Variants in LMNB1 observed in about 807,000 individuals in gnomAD.
LMNB1 encodes the protein lamin-B1.
Under a neutral mutation model 67.1 loss-of-function variants are expected in LMNB1, and 23 were observed. The ratio of observed to expected loss-of-function variants is 0.34; its 90% CI spans 0.25 to 0.49. LMNB1 has a LOEUF of 0.49. Among genes scored for constraint, LMNB1 ranks in the 20% least tolerant of loss-of-function variants. The pLI is 0.99. For missense variants in LMNB1, 634 were observed against 746.5 expected, an observed-to-expected ratio of 0.85 and a Z score of 1.76; for synonymous variants, 281 against 282.9, an observed-to-expected ratio of 0.99 and a Z score of 0.07.
Position 126,777,663 on chromosome 5 carries a change from G to A in LMNB1, c.155G>A (p.Ser52Asn). The change falls in exon 1 of 11, where the codon AGC becomes AAC. Residue 52 changes from serine to asparagine, a missense_variant. Physicochemically the swap from Ser to Asn is conservative, Grantham distance 46 (BLOSUM62 1). Coordinates refer to ENST00000261366, the MANE Select transcript of LMNB1 (RefSeq NM_005573.4). ...GCGGTGTACATCGACAAGGTGCGCA[G>A]CCTGGAGACGGAGAACAGCGCGCTG... is the stretch of plus-strand genomic sequence containing the variant. ...RLAVYIDKVR[S>N]LETENSALQL... The A allele has an allele frequency of 6.5e-7, 1 of 1,545,120 alleles. No individual in the cohort carries two copies. The highest frequency in any genetic ancestry group is 1.2e-5 in the South Asian group (1 of 83,476).
chr5:126,790,890 G>A (rs1379351478), intron 1 of LMNB1, among the ~76,000 whole-genome samples: 1 of 151,918 alleles, frequency 6.6e-6, no homozygotes, highest in Non-Finnish European at 1.5e-5. Flanking sequence ...GTGTGGTGGT[G>A]GGTGCCTGTA....
chr5:126,819,650 C>G (rs1470866887), intron 6 of LMNB1, among the ~76,000 whole-genome samples: 1 of 151,664 alleles, frequency 6.6e-6, no homozygotes, highest in Non-Finnish European at 1.5e-5. Flanking sequence ...GTCACCACAC[C>G]CGGCTAATTT....
chr5:126,814,584 G>A (rs1230505024), intron 5 of LMNB1, among the ~76,000 whole-genome samples: 2 of 150,752 alleles, frequency 1.3e-5, no homozygotes, highest in Admixed American at 6.6e-5. Context: ...TGTTGCCCAA[G>A]CTGGAGTGCA....
rs573018876 is a variant in LMNB1, at chr5:126,786,263, C to T, written c.359+8396C>T. Among the ~76,000 whole-genome samples, 116 of 151,566 alleles carry T rather than the reference C, an allele frequency of 7.7e-4. 2 individuals are homozygous for T. Among genetic ancestry groups the T allele is most frequent in the African/African-American group, 2.7e-3 (112 of 41,416 alleles). On this transcript the variant is annotated intron_variant, in intron 1 of 10. Coordinates refer to ENST00000261366, the MANE Select transcript of LMNB1 (RefSeq NM_005573.4). ...TCAGCCTCCCAAGTAGCTGGGACTA[C>T]AGGTGCCCGCCACTACGCCCGGCTA... is the stretch of plus-strand genomic sequence containing the variant.
At chr5:126,788,941 C>T (rs997282675) in intron 1 of LMNB1, among the ~76,000 whole-genome samples, 3 of 150,640 alleles carry the variant, frequency 2.0e-5, no homozygotes, top group East Asian at 1.9e-4. Context: ...GTTCTCTTGC[C>T]GGTGCTGGAT....
intron 1 of LMNB1, among the ~76,000 whole-genome samples, chr5:126,797,209 A>G (rs1003132349): frequency 3.3e-5 from 5 of 152,258 alleles, no homozygotes; most frequent in African/African-American, 1.2e-4. Context: ...GAAATTCTTA[A>G]TTAGCATAGA....
chr5:126,784,809 T>A (rs1014750259), intron 1 of LMNB1, among the ~76,000 whole-genome samples: 1 of 148,830 alleles, frequency 6.7e-6, no homozygotes. Context: ...ACAGGCGCCC[T>A]CCACCACGCC....
At chr5:126,812,315 T>C (rs1239724591) in intron 5 of LMNB1, among the ~76,000 whole-genome samples, 1 of 152,240 alleles carries the variant, frequency 6.6e-6, no homozygotes, top group Non-Finnish European at 1.5e-5. Flanking sequence ...GAATGCTTTG[T>C]GTTTCTAGAC....
chr5:126,830,840 T>C (rs1287922742), intron 9 of LMNB1, among the ~76,000 whole-genome samples: 1 of 152,280 alleles, frequency 6.6e-6, no homozygotes, highest in Non-Finnish European at 1.5e-5. Context: ...TTTATTTTTC[T>C]GCTTTATATG....
chr5:126,835,692 T>A (rs1752232833), intron 10 of LMNB1, among the ~76,000 whole-genome samples: 1 of 152,354 alleles, frequency 6.6e-6, no homozygotes, highest in South Asian at 2.1e-4. Flanking sequence ...GGGACCTAGA[T>A]CAGAATTTGT....
chr5:126,800,982 A>ATATATATATAATTTATTTTT, intron 1 of LMNB1, among the ~76,000 whole-genome samples: 1 of 18,632 alleles, frequency 5.4e-5, no homozygotes, highest in Non-Finnish European at 1.0e-4. Context: ...TATATATATA[A>ATATATATATAATTTATTTTT]TTTTTTTTTT....
At chr5:126,782,307 C>T (rs758220697) in intron 1 of LMNB1, among the ~76,000 whole-genome samples, 2 of 152,104 alleles carry the variant, frequency 1.3e-5, no homozygotes, top group Admixed American at 6.6e-5. Context: ...CAATTTAAGA[C>T]GGTAATATGA....
chr5:126,800,982 A>ATATATATATATAAAATTTTT, intron 1 of LMNB1, among the ~76,000 whole-genome samples: 1 of 18,632 alleles, frequency 5.4e-5, no homozygotes, highest in African/African-American at 1.7e-4. Flanking sequence ...TATATATATA[A>ATATATATATATAAAATTTTT]TTTTTTTTTT....
intron 9 of LMNB1, among the ~76,000 whole-genome samples, chr5:126,829,755 C>T (rs1752083607): frequency 6.6e-6 from 1 of 152,056 alleles, no homozygotes; most frequent in Admixed American, 6.6e-5. Flanking sequence ...TAAACCAGTT[C>T]CTGGAGTTGG....
chr5:126,828,645 G>C lies in LMNB1; in HGVS notation c.1611+2538G>C, dbSNP rs370636158. On this transcript the variant is annotated intron_variant, in intron 9 of 10. Coordinates refer to ENST00000261366, the MANE Select transcript of LMNB1 (RefSeq NM_005573.4). ...AGGCTGGAGTGGAGTGGCATAGCAC[G>C]ATCTCGGCTCACTGCAACCTCCGCC... Among the ~76,000 whole-genome samples the C allele has an allele frequency of 2.7e-5, 4 of 150,628 alleles. No homozygotes were observed. In the East Asian group the frequency reaches 7.8e-4, roughly 29 times the overall value.
In LMNB1 at chr5:126,819,005, C is replaced by G. The variant is rs886059858; in HGVS notation, c.1023C>G (p.Asp341Glu). Residue 341 changes from aspartate (D) to glutamate (E), a missense_variant, in exon 6 of 11, where the codon GAC becomes GAG. By Grantham distance (45) the Asp-to-Glu change is conservative. Coordinates refer to ENST00000261366, the MANE Select transcript of LMNB1 (RefSeq NM_005573.4). The stretch of plus-strand genomic sequence containing the variant: ...ACAACTCTCGTCGCATGCTGACAGA[C>G]AAAGAGAGAGAGATGGCGGAAATAA... The part of the protein sequence containing the change: ...EKDNSRRMLT[D>E]KEREMAEIRD... The G allele has an allele frequency of 6.2e-7, 1 of 1,614,032 alleles. No homozygotes were observed.
chr5:126,824,806 C>A (rs928396618), intron 8 of LMNB1, among the ~76,000 whole-genome samples: 1 of 152,078 alleles, frequency 6.6e-6, no homozygotes, highest in African/African-American at 2.4e-5. Context: ...CTCTCCTAAT[C>A]AGTAATTCAT....
At chr5:126,832,183 G>A (rs146185308) in intron 9 of LMNB1, among the ~76,000 whole-genome samples, 69 of 152,274 alleles carry the variant, frequency 4.5e-4, no homozygotes, top group African/African-American at 1.5e-3. Context: ...CATGAGAATC[G>A]CTTGAACCTG....
intron 1 of LMNB1, among the ~76,000 whole-genome samples, chr5:126,779,343 G>A (rs1286623283): frequency 6.6e-6 from 1 of 152,108 alleles, no homozygotes; most frequent in Non-Finnish European, 1.5e-5. Context: ...TATACAACTC[G>A]AAAATAATAC....
Sources: gnomAD v4.1 joint callset for allele counts (sites outside exome capture counted in the v4.1 genomes callset) on GRCh38, gnomAD v4.1.1 for gene constraint, MANE v1.5 for transcripts, NCBI Gene and HGNC (gene_info 2026-07-23, HGNC 2026-07-21) for gene names.